ST14: variants seen among roughly 807,000 people sequenced by gnomAD.
ST14 encodes the protein suppressor of tumorigenicity 14 protein.
In ST14, 40 loss-of-function variants were observed where a neutral mutation model predicts 96.5. The ratio of observed to expected loss-of-function variants is 0.41; its 90% CI spans 0.32 to 0.54. The LOEUF (loss-of-function observed/expected upper bound fraction) is 0.54. Ranked by LOEUF, ST14 falls within the 20% of genes least tolerant of loss-of-function variation. The pLI is 0.17. For synonymous variants in ST14, 506 were observed against 492.1 expected (o/e 1.03, Z -0.37); for missense variants, 1,066 against 1,188.9 (o/e 0.90, Z 1.52).
Position 130,190,282 on chromosome 11 carries a change from CTCTTCCAGGCCCTTCT to C in ST14, c.634+135_634+150del. 7 of 1,477,542 alleles carry C rather than the reference CTCTTCCAGGCCCTTCT, an allele frequency of 4.7e-6. No individual in the cohort carries two copies. In the South Asian group the frequency reaches 8.1e-5, roughly 17 times the overall value. 91.5% of individuals were successfully genotyped at this position (1,477,542 alleles called of 1,614,324 possible). On this transcript the variant is annotated intron_variant, in intron 6 of 18. Transcript: ENST00000278742. The stretch of plus-strand genomic sequence containing the variant: ...TTATGACGATCTTTCCAGGCCCTTC[CTCTTCCAGGCCCTTCT>C]GAGAAGCCCCCTTCCTGATTTCCCG...
chr11:130,180,656 C>A (rs557783849), intron 1 of ST14, among the ~76,000 whole-genome samples: 1 of 152,170 alleles, frequency 6.6e-6, no homozygotes, highest in South Asian at 2.1e-4. Flanking sequence ...ACCAGGAGAG[C>A]GTTCCTCTCA....
At chr11:130,200,669 C>T (rs940889251) in intron 16 of ST14, among the ~76,000 whole-genome samples, 13 of 152,196 alleles carry the variant, frequency 8.5e-5, no homozygotes, top group African/African-American at 2.9e-4. Context: ...CAGGACGGGG[C>T]TCAATAACAG....
intron 1 of ST14, among the ~76,000 whole-genome samples, chr11:130,175,074 T>C (rs1326525176): frequency 6.6e-6 from 1 of 152,170 alleles, no homozygotes; most frequent in African/African-American, 2.4e-5. Context: ...CTAACAGAAG[T>C]GTTCTCTGAA....
chr11:130,171,049 A>G (rs12292814), intron 1 of ST14, among the ~76,000 whole-genome samples: 9,759 of 152,262 alleles, frequency 0.064, 1,024 homozygotes, highest in African/African-American at 0.22. Context: ...TCCACAGATG[A>G]TACTGCTGTT....
At position 130,194,624 on chromosome 11, in the gene ST14, C is replaced by T; in HGVS notation, c.1016-16C>T. ...AGGTTCCTGATCCTCTTGCTTTCTC[C>T]CACCTTCCCTCTCAGGCTGTGGAGG... On this transcript the variant is annotated splice_polypyrimidine_tract_variant and intron_variant, in intron 8 of 18. Coordinates refer to ENST00000278742, the MANE Select transcript of ST14 (RefSeq NM_021978.4). The T allele has an allele frequency of 6.2e-7, 1 of 1,613,816 alleles. No individual in the cohort carries two copies. The highest frequency in any genetic ancestry group is 1.3e-5 in the African/African-American group (1 of 75,034).
intron 11 of ST14, among the ~76,000 whole-genome samples, 178 bp from the exon 12 acceptor site, chr11:130,197,663 G>T (rs543753134): frequency 6.6e-5 from 10 of 152,232 alleles, no homozygotes; most frequent in African/African-American, 2.4e-4. Flanking sequence ...CACTAGCTGC[G>T]GGTGCAGGAA....
In ST14 at chr11:130,196,694, A is replaced by G. The variant is rs1406410252; in HGVS notation, c.1348A>G (p.Ser450Gly). 2 of 1,614,066 alleles carry G rather than the reference A, an allele frequency of 1.2e-6. No individual in the cohort carries two copies. The highest frequency in any genetic ancestry group is 2.7e-5 in the African/African-American group (2 of 74,928). Residue 450 changes from serine to glycine, a missense_variant, in exon 11 of 19, where the codon AGT becomes GGT. By Grantham distance (56) the Ser-to-Gly change is moderately conservative. Transcript: ENST00000278742. ...AGCTGAATACCTCTCCTACGACTCC[A>G]GTGACCGTGAGTGAACATTGTTGGG... ...FLAEYLSYDS[S>G]DPCPGQFTCR...
chr11:130,209,316 C>T (rs1325079119), intron 17 of ST14, 126 bp from the exon 18 acceptor site: 5 of 1,290,130 alleles, frequency 3.9e-6, no homozygotes, highest in African/African-American at 2.9e-5. Flanking sequence ...GCGGATTACC[C>T]GTTTGTCAGC....
chr11:130,162,164 G>T lies in ST14; in HGVS notation c.81+2104G>T, dbSNP rs1591874112. ...TGCATCCATCCGTGCACCCTTGTTTGGTGGTATTTGTATCTGGCTGTCCCC... is the reference window on the plus strand; with the variant it reads ...TGCATCCATCCGTGCACCCTTGTTTTGTGGTATTTGTATCTGGCTGTCCCC... On this transcript the variant is annotated intron_variant, in intron 1 of 18. Coordinates refer to ENST00000278742, the MANE Select transcript of ST14 (RefSeq NM_021978.4). 3.3e-5 allele frequency among the ~76,000 whole-genome samples: 5 copies of T among 152,178 alleles called. No individual in the cohort carries two copies. The South Asian group carries it at 1.0e-3, about 32-fold the overall frequency.
chr11:130,178,125 T>C lies in ST14; in HGVS notation c.82-9989T>C, dbSNP rs116960168. ...TATACATAATAATATTCTTAACCAATATATAAAAGTATAAACATTCCACAT... is the reference window on the plus strand; with the variant it reads ...TATACATAATAATATTCTTAACCAACATATAAAAGTATAAACATTCCACAT... On this transcript the variant is annotated intron_variant, in intron 1 of 18. Transcript: ENST00000278742. Among the ~76,000 whole-genome samples the C allele has an allele frequency of 7.7e-3, 1,170 of 152,182 alleles. 10 individuals are homozygous for C. The highest frequency in any genetic ancestry group is 0.012 in the Non-Finnish European group (847 of 68,010).
intron 1 of ST14, among the ~76,000 whole-genome samples, chr11:130,176,029 G>T (rs906990883): frequency 6.6e-6 from 1 of 152,188 alleles, no homozygotes; most frequent in African/African-American, 2.4e-5. Flanking sequence ...ACAGTTTCCT[G>T]CTCGTGTAGG....
At chr11:130,206,044 C>T (rs1040312720) in intron 16 of ST14, among the ~76,000 whole-genome samples, 28 of 152,184 alleles carry the variant, frequency 1.8e-4, no homozygotes, top group African/African-American at 5.6e-4. Context: ...TCAAGGGTCA[C>T]GCCTTGTATT....
chr11:130,188,308 A>G lies in ST14; in HGVS notation c.241+35A>G. The G allele has an allele frequency of 6.2e-7, 1 of 1,601,900 alleles. No individual in the cohort carries two copies. Among genetic ancestry groups the G allele is most frequent in the Non-Finnish European group, 8.5e-7 (1 of 1,173,016 alleles). On this transcript the variant is annotated intron_variant, in intron 2 of 18. Transcript: ENST00000278742. This position sits in a 1 kb window ranked among gnomAD's most constrained non-coding sequence, Gnocchi z 5.4. ...GCTGGGGCTGGCTCCGGGGAGGACG[A>G]CAAGGGGTGGCTGTCCCTCTTCCCT...
intron 1 of ST14, among the ~76,000 whole-genome samples, chr11:130,174,523 G>A (rs376185741): frequency 2.0e-5 from 3 of 149,994 alleles, no homozygotes; most frequent in African/African-American, 7.4e-5. Flanking sequence ...TGGGGTGGGG[G>A]TGGGGGTGGC....
At chr11:130,194,559 C>G in intron 8 of ST14, 81 bp from the exon 9 acceptor site, 3 of 1,432,764 alleles carry the variant, frequency 2.1e-6, no homozygotes, top group Middle Eastern at 1.8e-4. Flanking sequence ...CAGCTCCAGG[C>G]CTCAGGCTGC....
intron 4 of ST14, 76 bp downstream of exon 4, chr11:130,189,015 C>T: frequency 1.4e-6 from 2 of 1,480,226 alleles, no homozygotes; most frequent in Non-Finnish European, 1.9e-6. Flanking sequence ...GTGTGTGGGG[C>T]AGGAAGCGGG....
chr11:130,168,107 A>C (rs1169890983), intron 1 of ST14, among the ~76,000 whole-genome samples: 3 of 152,250 alleles, frequency 2.0e-5, no homozygotes, highest in African/African-American at 7.2e-5. Context: ...ATAAGCTTTC[A>C]TCGAGGGAAC....
intron 11 of ST14, 52 bp downstream of exon 11, chr11:130,196,752 C>T: frequency 1.2e-6 from 2 of 1,613,244 alleles, no homozygotes; most frequent in African/African-American, 2.7e-5. Flanking sequence ...ACCGCATGTT[C>T]TGTCTACCCT....
chr11:130,171,639 G>A (rs1471073152), intron 1 of ST14, among the ~76,000 whole-genome samples: 1 of 152,174 alleles, frequency 6.6e-6, no homozygotes, highest in South Asian at 2.1e-4. Context: ...CTTTCCACAA[G>A]GTCAGACTTT....
Sources: allele counts gnomAD v4.1 joint callset (sites outside exome capture counted in the v4.1 genomes callset), GRCh38; gene constraint gnomAD v4.1.1; non-coding constraint Gnocchi (gnomAD v3.1); transcripts MANE v1.5; gene names NCBI Gene and HGNC (gene_info 2026-07-23, HGNC 2026-07-21).